EIF4G2: variants seen among roughly 807,000 people sequenced by gnomAD.
EIF4G2 encodes the protein eukaryotic translation initiation factor 4 gamma 2.
A neutral mutation model predicts 117.7 loss-of-function variants in EIF4G2; 8 were observed. The ratio of observed to expected loss-of-function variants is 0.07; its 90% CI spans 0.04 to 0.12. The LOEUF (loss-of-function observed/expected upper bound fraction) is 0.12. Among genes scored for constraint, EIF4G2 ranks in the 10% least tolerant of loss-of-function variants. The pLI is 1.00. For missense variants in EIF4G2, 812 were observed against 1,086.2 expected, an observed-to-expected ratio of 0.75 and a Z score of 3.55; for synonymous variants, 413 against 367.8, an observed-to-expected ratio of 1.12 and a Z score of -1.41.
rs891338409 is a variant in EIF4G2 at position 10,802,368 on chromosome 11, G to A, written c.1064C>T (p.Pro355Leu). The A allele has an allele frequency of 5.6e-6, 9 of 1,613,750 alleles. No homozygotes were observed. The highest frequency in any genetic ancestry group is 6.8e-6 in the Non-Finnish European group (8 of 1,179,966). Residue 355 changes from proline (P) to leucine (L), a missense_variant, in exon 12 of 22, where the codon CCG (proline) becomes CTG (leucine). Physicochemically the swap from Pro to Leu is moderately conservative, Grantham distance 98 (BLOSUM62 -3). Transcript: ENST00000339995. ...CATTTTCATCCTGGGTGGCATGAAC[G>A]GTCCCTCCAGAAAGAAGTCACTTCT...
intron 2 of EIF4G2, 49 bp from the exon 3 acceptor site, chr11:10,806,934 CAAAA>C (rs1281827976): frequency 2.1e-6 from 3 of 1,463,194 alleles, no homozygotes; most frequent in Non-Finnish European, 2.7e-6. Context: ...ATGTCTCACT[CAAAA>C]AGAATAAGCA....
At chr11:10,805,720 TG>T (rs1847548277) in intron 4 of EIF4G2, among the ~76,000 whole-genome samples, 186 bp downstream of exon 4, 1 of 152,112 alleles carries the variant, frequency 6.6e-6, no homozygotes, top group Non-Finnish European at 1.5e-5. Flanking sequence ...CCCAAAGTGC[TG>T]GGATTACAGG....
In EIF4G2 at chr11:10,801,883, G is replaced by T. The variant is rs112618589; in HGVS notation, c.1300-109C>A. ...CCATAAAGTTAGTTTAACTGAATTT[G>T]CCCAGAGAAAGTAAAAGATGAAACA... On this transcript the variant is annotated intron_variant, in intron 13 of 21. Transcript: ENST00000339995. 5.6e-3 allele frequency: 6,762 copies of T among 1,214,494 alleles called. 316 individuals are homozygous for T. In the African/African-American group the frequency reaches 0.093, roughly 17 times the overall value. 75.2% of individuals were successfully genotyped at this position (1,214,494 alleles called of 1,614,324 possible). A position where few individuals can be genotyped will look rare whatever the true frequency, so the allele number is the denominator to read the frequency against.
chr11:10,801,617 T>G, intron 14 of EIF4G2, 44 bp downstream of exon 14: 1 of 1,558,432 alleles, frequency 6.4e-7, no homozygotes, highest in Non-Finnish European at 8.9e-7. Context: ...AATAAATTTC[T>G]GAATGGACAA....
At chr11:10,806,650 T>C (rs571641422) in intron 3 of EIF4G2, 170 bp downstream of exon 3, 16 of 634,258 alleles carry the variant, frequency 2.5e-5, no homozygotes, top group African/African-American at 5.4e-5. Flanking sequence ...CTTAGAAAAT[T>C]TGGCTAAGGA....
intron 18 of EIF4G2, 156 bp from the exon 19 acceptor site, chr11:10,799,912 G>A (rs1847369323): frequency 4.3e-6 from 5 of 1,151,252 alleles, no homozygotes; most frequent in Non-Finnish European, 6.0e-6. Flanking sequence ...TCAACATACG[G>A]ATCAAATGAA....
chr11:10,803,529 C>G lies in EIF4G2; in HGVS notation c.764G>C (p.Cys255Ser), dbSNP rs777618901. 1 of 1,614,146 alleles carries G rather than the reference C, an allele frequency of 6.2e-7. No individual in the cohort carries two copies. ...AGGTCCCACTGTCCTCATTATCTGA[C>G]AGAGGCACTCCAAATCCTCTCCCAT... The change falls in exon 9 of 22, where the codon TGT (cysteine) becomes TCT (serine). Residue 255 changes from cysteine to serine, a missense_variant. Cys to Ser is a moderately radical substitution (Grantham distance 112). Coordinates refer to ENST00000339995, the MANE Select transcript of EIF4G2 (RefSeq NM_001418.4). This position sits in a 1 kb window ranked among gnomAD's most constrained non-coding sequence, Gnocchi z 4.0.
At chr11:10,805,831 T>C in intron 4 of EIF4G2, 76 bp downstream of exon 4, 1 of 1,600,364 alleles carries the variant, frequency 6.2e-7, no homozygotes, top group Non-Finnish European at 8.6e-7. Context: ...CTTGCCTTCT[T>C]AGTAATACAG....
In EIF4G2 at chr11:10,806,920, A is replaced by G. The variant is rs756782219; in HGVS notation, c.42-35T>C. 15 of 1,590,758 alleles carry G rather than the reference A, an allele frequency of 9.4e-6. 1 individual carries two copies. In the South Asian group the frequency reaches 1.7e-4, roughly 18 times the overall value. ...AGAAAAAAATTGTTTACTGTATCCC[A>G]ACTATGTCTCACTCAAAAAGAATAA... On this transcript the variant is annotated intron_variant, in intron 2 of 21. Coordinates refer to ENST00000339995, the MANE Select transcript of EIF4G2 (RefSeq NM_001418.4).
At chr11:10,808,078 G>A (rs1398683952) in intron 1 of EIF4G2, 2 of 1,055,920 alleles carry the variant, frequency 1.9e-6, no homozygotes, top group African/African-American at 1.7e-5. Context: ...CCGGCGCCCA[G>A]CTCTTTGTTC....
intron 18 of EIF4G2, 93 bp from the exon 19 acceptor site, chr11:10,799,849 T>A: frequency 7.1e-7 from 1 of 1,416,342 alleles, no homozygotes; most frequent in Non-Finnish European, 9.5e-7. Context: ...TGTCCCCAAG[T>A]ATGTAAGATC....
chr11:10,802,475 C>T (rs1481634158), intron 11 of EIF4G2, 40 bp from the exon 12 acceptor site: 1 of 1,500,258 alleles, frequency 6.7e-7, no homozygotes, highest in Non-Finnish European at 8.9e-7. Context: ...TGTCTCTGGA[C>T]ACTATTTCAC....
chr11:10,803,207 T>C lies in EIF4G2; in HGVS notation c.897+4A>G, dbSNP rs780014794. ...ACCAACAAATTTAAAGAAACCAGTA[T>C]TACCTGCAGCAGGAAACGAATCCTT... is the stretch of plus-strand genomic sequence containing the variant. On this transcript the variant is annotated splice_donor_region_variant and intron_variant, in intron 10 of 21. Transcript: ENST00000339995. This position sits in a 1 kb window ranked among gnomAD's most constrained non-coding sequence, Gnocchi z 4.0. 3.6e-5 allele frequency: 58 copies of C among 1,613,186 alleles called. No individual in the cohort carries two copies. The highest frequency in any genetic ancestry group is 4.8e-5 in the Non-Finnish European group (57 of 1,179,778).
At chr11:10,798,572 C>T (rs1847329501) in intron 21 of EIF4G2, among the ~76,000 whole-genome samples, 1 of 151,896 alleles carries the variant, frequency 6.6e-6, no homozygotes. Context: ...TTTTTAGAGA[C>T]AGGGTTTCAC....
rs1473442571 is a variant in EIF4G2 at position 10,806,073 on chromosome 11, A to C, written c.108-26T>G. On this transcript the variant is annotated intron_variant, in intron 3 of 21. Coordinates refer to ENST00000339995, the MANE Select transcript of EIF4G2 (RefSeq NM_001418.4). ...CTGATTAATAAAAATCAGCAAAAAC[A>C]CTTATTGTCACACACCAAATGTTAA... 3.1e-6 allele frequency: 5 copies of C among 1,613,758 alleles called. No homozygotes were observed. In the African/African-American group the frequency reaches 4.0e-5, roughly 13 times the overall value.
rs1413813755 is a variant in EIF4G2, at chr11:10,803,704, A to AT, written c.703-115dup. 8.8e-7 allele frequency: 1 copy of AT among 1,140,052 alleles called. No individual in the cohort carries two copies. Among genetic ancestry groups the AT allele is most frequent in the Non-Finnish European group, 1.3e-6 (1 of 787,178 alleles). 70.6% of individuals were successfully genotyped at this position (1,140,052 alleles called of 1,614,324 possible). A position where few individuals can be genotyped will look rare whatever the true frequency, so the allele number is the denominator to read the frequency against. On this transcript the variant is annotated intron_variant, in intron 8 of 21. Transcript: ENST00000339995. The surrounding 1 kb of genome is among the most constrained non-coding windows in gnomAD (Gnocchi z 4.0). ...ATTCACAGTTCCTACAGAATCTAGT[A>AT]TAGGGCTTTCTACCAGTCTGGTTGA... is the stretch of plus-strand genomic sequence containing the variant.
chr11:10,806,873 G>A lies in EIF4G2; in HGVS notation c.54C>T (p.Gly18=), dbSNP rs1055273078. Residue 18 remains glycine (G), a synonymous_variant, in exon 3 of 22, where the codon GGC becomes GGT. Coordinates refer to ENST00000339995, the MANE Select transcript of EIF4G2 (RefSeq NM_001418.4). ...GAGGTGCACCCCTACTTCCTCCTCC[G>A]CCCGAAGAAGCACTATTTAAAAGAA... is the stretch of plus-strand genomic sequence containing the variant. 8 of 1,613,818 alleles carry A rather than the reference G, an allele frequency of 5.0e-6. No homozygotes were observed. The highest frequency in any genetic ancestry group is 3.3e-5 in the Admixed American group (2 of 59,986).
At chr11:10,805,820 C>T in intron 4 of EIF4G2, 87 bp downstream of exon 4, 1 of 1,580,336 alleles carries the variant, frequency 6.3e-7, no homozygotes, top group Non-Finnish European at 8.7e-7. Flanking sequence ...TGGGCATGAA[C>T]CTTGCCTTCT....
intron 2 of EIF4G2, 116 bp from the exon 3 acceptor site, chr11:10,807,001 C>T (rs1847594559): frequency 3.1e-6 from 4 of 1,287,416 alleles, no homozygotes; most frequent in Non-Finnish European, 4.4e-6. Context: ...CTATTTTGCC[C>T]AGACTGGAGC....
Sources: allele counts gnomAD v4.1 joint callset (sites outside exome capture counted in the v4.1 genomes callset), GRCh38; gene constraint gnomAD v4.1.1; non-coding constraint Gnocchi (gnomAD v3.1); transcripts MANE v1.5; gene names NCBI Gene and HGNC (gene_info 2026-07-23, HGNC 2026-07-21).